The following POLRMT variants were observed in gnomAD, a reference collection of about 807,000 sequenced individuals.
POLRMT encodes DNA-directed RNA polymerase, mitochondrial.
Under a neutral mutation model 132.2 loss-of-function variants are expected in POLRMT, and 114 were observed. The observed-to-expected ratio is 0.86, with a 90% CI of 0.74 to 1.01. POLRMT has a LOEUF of 1.01. Ranked by LOEUF, POLRMT falls within the 50% of genes least tolerant of loss-of-function variation. The pLI is 0.00. For missense variants in POLRMT, 2,003 were observed against 1,729.1 expected, an observed-to-expected ratio of 1.16 and a Z score of -2.81; for synonymous variants, 1,020 against 773.4, an observed-to-expected ratio of 1.32 and a Z score of -5.29.
chr19:618,660 C>T (rs990531087), intron 16 of POLRMT, 45 bp downstream of exon 16: 4 of 1,602,862 alleles, frequency 2.5e-6, no homozygotes, highest in Non-Finnish European at 3.4e-6. Flanking sequence ...ACCGTGGCTG[C>T]TCTCCAGACC....
chr19:630,684 C>A (rs1301674377), intron 2 of POLRMT, among the ~76,000 whole-genome samples: 1 of 152,102 alleles, frequency 6.6e-6, no homozygotes, highest in Non-Finnish European at 1.5e-5. Flanking sequence ...CTCAGCAAGA[C>A]CCCCCCAGCT....
intron 3 of POLRMT, 182 bp from the exon 4 acceptor site, chr19:625,436 C>A: frequency 1.4e-6 from 1 of 738,702 alleles, no homozygotes; most frequent in Non-Finnish European, 2.1e-6. Flanking sequence ...GCTCCACCTG[C>A]AGAGGCAGCC....
chr19:617,257 A>T lies in POLRMT; in HGVS notation c.*17T>A. On this transcript the variant is annotated 3_prime_UTR_variant, in exon 21 of 21. Transcript: ENST00000588649. Reference sequence around the variant, plus strand: ...GCAAAAGAGCTTTATTTACACACTGACAAGGCTCACGGGGTGTCAGCTGAA... The same window carrying T: ...GCAAAAGAGCTTTATTTACACACTGTCAAGGCTCACGGGGTGTCAGCTGAA... The T allele has an allele frequency of 6.2e-7, 1 of 1,612,442 alleles. No individual in the cohort carries two copies. The highest frequency in any genetic ancestry group is 2.2e-5 in the East Asian group (1 of 44,874).
In POLRMT at chr19:617,264, T is replaced by G. The variant is rs74628249; in HGVS notation, c.*10A>C. The stretch of plus-strand genomic sequence containing the variant: ...AGCTTTATTTACACACTGACAAGGC[T>G]CACGGGGTGTCAGCTGAAGAAGTAG... On this transcript the variant is annotated 3_prime_UTR_variant, in exon 21 of 21. Transcript: ENST00000588649. 1 of 1,612,626 alleles carries G rather than the reference T, an allele frequency of 6.2e-7. No individual in the cohort carries two copies. The highest frequency in any genetic ancestry group is 1.1e-5 in the South Asian group (1 of 91,058).
chr19:620,422 C>A lies in POLRMT; in HGVS notation c.2706G>T (p.Ala902=), dbSNP rs773255080. The A allele has an allele frequency of 1.6e-5, 26 of 1,595,080 alleles. No homozygotes were observed. The highest frequency in any genetic ancestry group is 2.1e-5 in the Non-Finnish European group (25 of 1,171,778). The change falls in exon 11 of 21, where the codon GCG becomes GCT. Residue 902 remains alanine, a synonymous_variant. Coordinates refer to ENST00000588649, the MANE Select transcript of POLRMT (RefSeq NM_005035.4). ...WQTLACCMEV[A]NAVRASDPAA... ...CAGGGTCGGAGGCGCGCACAGCGTT[C>A]GCCACCTCCATACAGCAGGCCAGCG...
intron 5 of POLRMT, among the ~76,000 whole-genome samples, chr19:624,503 C>T (rs1984874753): frequency 1.3e-5 from 2 of 152,160 alleles, no homozygotes; most frequent in Admixed American, 1.3e-4. Context: ...CTCTGCGGCC[C>T]CCGACCACCT....
intron 17 of POLRMT, 113 bp from the exon 18 acceptor site, chr19:617,962 C>T (rs1440114636): frequency 1.1e-6 from 1 of 926,716 alleles, no homozygotes; most frequent in South Asian, 1.5e-5. Flanking sequence ...GAAGCCCACC[C>T]TCCTGCAGGC....
intron 1 of POLRMT, 132 bp from the exon 2 acceptor site, chr19:633,070 T>A: frequency 1.4e-6 from 1 of 710,670 alleles, no homozygotes; most frequent in Non-Finnish European, 2.2e-6. Flanking sequence ...CGGGCTTAAG[T>A]TGGAAAGAAA....
chr19:625,184 G>A lies in POLRMT; in HGVS notation c.893C>T (p.Ser298Phe). 1.2e-6 allele frequency: 2 copies of A among 1,614,022 alleles called. No homozygotes were observed. Among genetic ancestry groups the A allele is most frequent in the Non-Finnish European group, 1.7e-6 (2 of 1,179,978 alleles). The change falls in exon 4 of 21, where the codon TCC becomes TTC. Residue 298 changes from serine (S) to phenylalanine (F), a missense_variant. Ser to Phe is a radical substitution (Grantham distance 155). Transcript: ENST00000588649. Reference sequence around the variant, plus strand: ...CATGCACTGGAGGGCAGCCGCATAGGACAGCAGGTCCGGAGTCAAGCCGGC... The same window carrying A: ...CATGCACTGGAGGGCAGCCGCATAGAACAGCAGGTCCGGAGTCAAGCCGGC... ...KDAGLTPDLL[S>F]YAAALQCMGR...
rs930550396 is a variant in POLRMT at position 621,589 on chromosome 19, G to A, written c.2109C>T (p.Gly703=). The change falls in exon 10 of 21, where the codon GGC becomes GGT. Residue 703 remains glycine, a synonymous_variant. Coordinates refer to ENST00000588649, the MANE Select transcript of POLRMT (RefSeq NM_005035.4). ...HGALDALTQL[G]NCAWRVNGRV... ...GCCCGTTGACGCGCCAGGCGCAGTT[G>A]CCCAGTTGGGTGAGGGCGTCCAGTG... 2 of 1,487,118 alleles carry A rather than the reference G, an allele frequency of 1.3e-6. No homozygotes were observed. Among genetic ancestry groups the A allele is most frequent in the Non-Finnish European group, 1.8e-6 (2 of 1,121,866 alleles). 92.1% of individuals were successfully genotyped at this position (1,487,118 alleles called of 1,614,324 possible). A position where few individuals can be genotyped will look rare whatever the true frequency, so the allele number is the denominator to read the frequency against.
chr19:624,464 C>T (rs978378450), intron 5 of POLRMT, among the ~76,000 whole-genome samples: 1 of 152,190 alleles, frequency 6.6e-6, no homozygotes, highest in African/African-American at 2.4e-5. Context: ...CCCACTCAAA[C>T]GCACTGCTCT....
In POLRMT at chr19:629,747, A is replaced by T; in HGVS notation, c.615T>A (p.Asp205Glu). ...LQEAPGKLSL[D>E]VEQAPSGQHS... Reference sequence around the variant, plus strand: ...GCTGCCCCGACGGGGCCTGCTCCACATCGAGGCTCAGCTTCCCAGGGGCCT... The same window carrying T: ...GCTGCCCCGACGGGGCCTGCTCCACTTCGAGGCTCAGCTTCCCAGGGGCCT... Residue 205 changes from aspartate to glutamate, a missense_variant, in exon 3 of 21, where the codon GAT (aspartate) becomes GAA (glutamate). By Grantham distance (45) the Asp-to-Glu change is conservative. Coordinates refer to ENST00000588649, the MANE Select transcript of POLRMT (RefSeq NM_005035.4). The T allele has an allele frequency of 1.9e-6, 3 of 1,571,698 alleles. No homozygotes were observed. The highest frequency in any genetic ancestry group is 1.4e-5 in the African/African-American group (1 of 73,478).
At chr19:626,104 A>C (rs1030165787) in intron 3 of POLRMT, among the ~76,000 whole-genome samples, 3 of 152,122 alleles carry the variant, frequency 2.0e-5, no homozygotes, top group Non-Finnish European at 4.4e-5. Flanking sequence ...CATTTTCATT[A>C]TCTCCAAGTG....
intron 3 of POLRMT, among the ~76,000 whole-genome samples, chr19:627,586 G>A (rs1159379456): frequency 6.6e-6 from 1 of 152,096 alleles, no homozygotes; most frequent in East Asian, 1.9e-4. Flanking sequence ...GTTGGCAGAT[G>A]CGGAAAATTC....
rs774912008 is a variant in POLRMT at position 625,199 on chromosome 19, G to A, written c.878C>T (p.Thr293Ile). Residue 293 changes from threonine (T) to isoleucine (I), a missense_variant, in exon 4 of 21, where the codon ACT becomes ATT. By Grantham distance (89) the Thr-to-Ile change is moderately conservative. Transcript: ENST00000588649. ...AGCCGCATAGGACAGCAGGTCCGGA[G>A]TCAAGCCGGCATCCTTCACCATGAA... ...VLFMVKDAGLTPDLLSYAAAL... is the reference protein window; with the variant it reads ...VLFMVKDAGLIPDLLSYAAAL... 1.2e-6 allele frequency: 2 copies of A among 1,614,068 alleles called. No homozygotes were observed. The highest frequency in any genetic ancestry group is 1.3e-5 in the African/African-American group (1 of 75,058).
intron 3 of POLRMT, among the ~76,000 whole-genome samples, chr19:627,929 A>C (rs928311905): frequency 6.6e-6 from 1 of 151,468 alleles, no homozygotes; most frequent in African/African-American, 2.4e-5. Context: ...TATCTCAAAA[A>C]AAAAAAAAAA....
chr19:632,974 G>A (rs1985538182), intron 1 of POLRMT, 36 bp from the exon 2 acceptor site: 1 of 1,433,830 alleles, frequency 7.0e-7, no homozygotes, highest in African/African-American at 1.5e-5. Context: ...GCGGGGCCGG[G>A]CGTGTGGGCG....
Position 619,281 on chromosome 19 carries a change from C to A in POLRMT, c.3082G>T (p.Ala1028Ser). ...ACCTGGCGTACGAGATAGTGAGAGGCCTCCCACACGAACTCCTGCAGAGGG... is the reference window on the plus strand; with the variant it reads ...ACCTGGCGTACGAGATAGTGAGAGGACTCCCACACGAACTCCTGCAGAGGG... ...SDFPQEFVWEASHYLVRQVFK... is the reference protein window; with the variant it reads ...SDFPQEFVWESSHYLVRQVFK... Residue 1028 changes from alanine to serine, a missense_variant, in exon 14 of 21, where the codon GCC becomes TCC. By Grantham distance (99) the Ala-to-Ser change is moderately conservative. Transcript: ENST00000588649. 6.2e-7 allele frequency: 1 copy of A among 1,608,318 alleles called. No individual in the cohort carries two copies. The highest frequency in any genetic ancestry group is 1.1e-5 in the South Asian group (1 of 90,700).
rs770872942 is a variant in POLRMT, at chr19:618,556, G to A, written c.3354C>T (p.Gly1118=). Residue 1118 remains glycine, a synonymous_variant, in exon 17 of 21, where the codon GGC becomes GGT. Transcript: ENST00000588649. The part of the protein sequence containing the change: ...RKPNTRKQKN[G]FPPNFIHSLD... ...GCGAGTGGATGAAGTTGGGCGGGAA[G>A]CCGTTCTTCTGCTTACGTGTGTTGG... The A allele has an allele frequency of 1.2e-5, 19 of 1,613,308 alleles. No individual in the cohort carries two copies. The highest frequency in any genetic ancestry group is 2.2e-5 in the East Asian group (1 of 44,884).
Sources: gnomAD v4.1 joint callset for allele counts (sites outside exome capture counted in the v4.1 genomes callset) on GRCh38, gnomAD v4.1.1 for gene constraint, MANE v1.5 for transcripts, NCBI Gene and HGNC (gene_info 2026-07-23, HGNC 2026-07-21) for gene names.